Variants in GSTM2 observed in about 807,000 individuals in gnomAD.
GSTM2 encodes glutathione S-transferase mu 2.
In GSTM2, 33 loss-of-function variants were observed where a neutral mutation model predicts 33.3. That is an observed-to-expected ratio of 0.99 (90% CI 0.75 to 1.33). GSTM2 has a LOEUF of 1.33. Among genes scored for constraint, GSTM2 ranks in the 40% most tolerant of loss-of-function variants. The pLI, the probability that GSTM2 is intolerant of heterozygous loss-of-function variation, is 0.00. For missense variants in GSTM2, 213 were observed against 265.8 expected (o/e 0.80, Z 1.38); for synonymous variants, 93 against 95.6 (o/e 0.97, Z 0.16).
At chr1:109,668,563 A>G in intron 2 of GSTM2, 63 bp downstream of exon 2, 2 of 1,566,576 alleles carry the variant, frequency 1.3e-6, no homozygotes, top group African/African-American at 1.3e-5. Flanking sequence ...AGCAACCGAT[A>G]GTGGCCACCT....
rs1168893983 is a variant in GSTM2, at chr1:109,675,259, AC to A, written c.*425del. On this transcript the variant is annotated 3_prime_UTR_variant, in exon 8 of 8. Coordinates refer to ENST00000241337, the MANE Select transcript of GSTM2 (RefSeq NM_000848.4). The stretch of plus-strand genomic sequence containing the variant: ...GCAGCATGGTCCCTGCCTTAGGCCT[AC>A]CTGATGGAAGTAAAGCCTCAACCAC... 22 of 226,490 alleles carry A rather than the reference AC, an allele frequency of 9.7e-5. No homozygotes were observed. In the East Asian group the frequency reaches 1.4e-3, roughly 14 times the overall value. The allele number at this position is 226,490 out of a possible 1,614,324, so 14.0% of individuals were successfully genotyped here. A position where few individuals can be genotyped will look rare whatever the true frequency, so the allele number is the denominator to read the frequency against.
chr1:109,679,211 C>G (rs1647795030), downstream of GSTM2, among the ~76,000 whole-genome samples: 1 of 151,950 alleles, frequency 6.6e-6, no homozygotes, highest in Non-Finnish European at 1.5e-5. Context: ...TGGCTCATGC[C>G]TGTATTCCCA....
rs745482462 is a variant in GSTM2, at chr1:109,668,153, T to C, written c.36+2T>C. On this transcript the variant is annotated splice_donor_variant, in intron 1 of 7. Transcript: ENST00000241337. LOFTEE classifies it high-confidence loss of function. ...CTGGGGTACTGGAACATCCGCGGGG[T>C]GAGCCAGGGTCCGCTGGGCGGTGGG... The C allele has an allele frequency of 6.8e-5, 110 of 1,610,618 alleles. No individual in the cohort carries two copies. Among genetic ancestry groups the C allele is most frequent in the Middle Eastern group, 1.7e-4 (1 of 6,042 alleles).
chr1:109,678,742 A>T (rs1647774529), downstream of GSTM2, among the ~76,000 whole-genome samples: 4 of 150,960 alleles, frequency 2.6e-5, no homozygotes, highest in Admixed American at 2.6e-4. Flanking sequence ...CCTGGGCAAC[A>T]GAACAAGACT....
intron 4 of GSTM2, 29 bp downstream of exon 4, chr1:109,669,400 G>T: frequency 6.2e-7 from 1 of 1,614,066 alleles, no homozygotes. Context: ...AAGATGCGGG[G>T]AGGGACCGTG....
At chr1:109,671,261 G>A in intron 5 of GSTM2, 26 bp from the exon 6 acceptor site, 1 of 1,534,390 alleles carries the variant, frequency 6.5e-7, no homozygotes, top group Middle Eastern at 1.8e-4. Context: ...GTGTCTGAGG[G>A]TGTTGACAGC....
intron 7 of GSTM2, among the ~76,000 whole-genome samples, chr1:109,672,401 G>A (rs769249089): frequency 1.3e-5 from 2 of 152,198 alleles, no homozygotes; most frequent in African/African-American, 2.4e-5. Context: ...TTCCTACAGG[G>A]TGGTAGAATT....
chr1:109,677,307 A>T (rs1415691432), downstream of GSTM2, among the ~76,000 whole-genome samples: 1 of 152,216 alleles, frequency 6.6e-6, no homozygotes, highest in Admixed American at 6.5e-5. Flanking sequence ...CCCACCCTAC[A>T]GGAATGAGTC....
rs546304620 is a variant in GSTM2 at position 109,673,929 on chromosome 1, A to T, written c.568-818A>T. 2.6e-5 allele frequency among the ~76,000 whole-genome samples: 4 copies of T among 152,318 alleles called. No individual in the cohort carries two copies. In the East Asian group the frequency reaches 7.7e-4, roughly 29 times the overall value. ...TATCTGGGCATTCAATCCTGGTAAGATTGTGCACAGCACATCTGAGTGTCA... is the reference window on the plus strand; with the variant it reads ...TATCTGGGCATTCAATCCTGGTAAGTTTGTGCACAGCACATCTGAGTGTCA... On this transcript the variant is annotated intron_variant, in intron 7 of 7. Transcript: ENST00000241337.
chr1:109,677,533 G>A (rs1000072383), downstream of GSTM2, among the ~76,000 whole-genome samples: 2 of 152,194 alleles, frequency 1.3e-5, no homozygotes, highest in Non-Finnish European at 2.9e-5. Context: ...GACGTATTGA[G>A]TAAAAGGATC....
downstream of GSTM2, among the ~76,000 whole-genome samples, chr1:109,680,178 A>G (rs767934553): frequency 9.2e-5 from 14 of 151,742 alleles, no homozygotes; most frequent in Admixed American, 3.3e-4. Flanking sequence ...GCCAATTCCC[A>G]TAAGAGATAA....
intron 4 of GSTM2, 29 bp from the exon 5 acceptor site, chr1:109,669,442 C>A: frequency 6.2e-7 from 1 of 1,613,092 alleles, no homozygotes; most frequent in South Asian, 1.1e-5. Context: ...GGCTGTGAGG[C>A]TGAGAGTGAA....
At chr1:109,670,268 G>A (rs903708454) in intron 5 of GSTM2, 136 of 152,152 alleles carry the variant, frequency 8.9e-4, no homozygotes, top group African/African-American at 3.0e-3. Context: ...GACACAGAGC[G>A]CTGATTTGTG....
chr1:109,674,678 G>A, intron 7 of GSTM2, 69 bp from the exon 8 acceptor site: 1 of 1,609,636 alleles, frequency 6.2e-7, no homozygotes, highest in South Asian at 1.1e-5. Context: ...TGCTGTGTCT[G>A]CAGTGGGGTT....
intron 7 of GSTM2, among the ~76,000 whole-genome samples, chr1:109,680,455 A>C (rs1036740181): frequency 6.1e-5 from 9 of 148,102 alleles, no homozygotes; most frequent in African/African-American, 2.2e-4. Context: ...GGAAGATATT[A>C]TCTTTCCTGG....
At chr1:109,673,129 C>T in intron 7 of GSTM2, 12 of 1,579,490 alleles carry the variant, frequency 7.6e-6, no homozygotes, top group Non-Finnish European at 6.0e-6. Flanking sequence ...CTCAGCCTCC[C>T]TAAGTGCTGG....
intron 2 of GSTM2, 66 bp from the exon 3 acceptor site, chr1:109,668,859 A>T (rs1055133470): frequency 6.3e-7 from 1 of 1,582,066 alleles, no homozygotes; most frequent in Admixed American, 1.7e-5. Context: ...GCTCCTTGGG[A>T]GGGTCCCCAG....
downstream of GSTM2, among the ~76,000 whole-genome samples, chr1:109,678,867 C>G (rs1298185699): frequency 6.6e-6 from 1 of 151,422 alleles, no homozygotes; most frequent in Non-Finnish European, 1.5e-5. Context: ...TATATTTTGC[C>G]TAGTCATTCT....
rs1367768978 is a variant in GSTM2, at chr1:109,668,157, C to A, written c.36+6C>A. The stretch of plus-strand genomic sequence containing the variant: ...GGTACTGGAACATCCGCGGGGTGAG[C>A]CAGGGTCCGCTGGGCGGTGGGACGG... On this transcript the variant is annotated splice_donor_region_variant and intron_variant, in intron 1 of 7. Coordinates refer to ENST00000241337, the MANE Select transcript of GSTM2 (RefSeq NM_000848.4). The A allele has an allele frequency of 6.2e-7, 1 of 1,609,848 alleles. No individual in the cohort carries two copies. The highest frequency in any genetic ancestry group is 1.7e-5 in the Admixed American group (1 of 59,906).
Sources: allele counts gnomAD v4.1 joint callset (sites outside exome capture counted in the v4.1 genomes callset), GRCh38; gene constraint gnomAD v4.1.1; transcripts MANE v1.5; gene names NCBI Gene and HGNC (gene_info 2026-07-23, HGNC 2026-07-21).